The following BRD1 variants were observed in gnomAD, a reference collection of about 807,000 sequenced individuals.
BRD1 encodes the protein bromodomain containing 1.
In BRD1, 24 loss-of-function variants were observed where a neutral mutation model predicts 107.7. That is an observed-to-expected ratio of 0.22 (90% CI 0.16 to 0.31). BRD1 has a LOEUF of 0.31. Among genes scored for constraint, BRD1 ranks in the 10% least tolerant of loss-of-function variants. The probability of loss-of-function intolerance (pLI) is 1.00; values close to 1 mark genes in which losing one functional copy is unlikely to be tolerated. For synonymous variants in BRD1, 744 were observed against 686.1 expected (o/e 1.08, Z -1.32); for missense variants, 1,279 against 1,638.6 (o/e 0.78, Z 3.79).
chr22:49,807,069 A>G (rs2059760266), intron 2 of BRD1: 1 of 152,114 alleles, frequency 6.6e-6, no homozygotes, highest in African/African-American at 2.4e-5. Flanking sequence ...CAGAGTTCCA[A>G]CATCAAGTAT....
chr22:49,787,680 C>CG lies in BRD1; in HGVS notation c.2566dup (p.Arg856ProfsTer4). ...CGCCGGCACATCGCCACTACTGGCG[C>CG]GGGTGGGCTCTGGAGGGCGTCCGCT... On this transcript the variant is annotated frameshift_variant, in exon 8 of 13. Coordinates refer to ENST00000404760, the MANE Select transcript of BRD1 (RefSeq NM_001304808.3). LOFTEE classifies it high-confidence loss of function. 1 of 1,550,658 alleles carries CG rather than the reference C, an allele frequency of 6.4e-7. No individual in the cohort carries two copies. Among genetic ancestry groups the CG allele is most frequent in the Non-Finnish European group, 8.7e-7 (1 of 1,146,990 alleles).
intron 6 of BRD1, 50 bp from the exon 7 acceptor site, chr22:49,794,344 G>C: frequency 6.4e-7 from 1 of 1,560,674 alleles, no homozygotes. Context: ...CGCACCTTCT[G>C]GGAACACATC....
intron 5 of BRD1, 106 bp downstream of exon 5, chr22:49,798,452 G>C (rs1285076631): frequency 2.0e-6 from 3 of 1,520,368 alleles, no homozygotes; most frequent in South Asian, 1.2e-5. Flanking sequence ...CGAGAATTAA[G>C]AACACAAGGG....
chr22:49,814,528 G>A (rs2059913814), intron 2 of BRD1, among the ~76,000 whole-genome samples: 1 of 152,244 alleles, frequency 6.6e-6, no homozygotes, highest in African/African-American at 2.4e-5. Context: ...GCCACATCTG[G>A]GATCCTCTCC....
In BRD1 at chr22:49,823,465, C is replaced by T; in HGVS notation, c.853G>A (p.Asp285Asn). The change falls in exon 2 of 13, where the codon GAT becomes AAT. Residue 285 changes from aspartate (D) to asparagine (N), a missense_variant. Physicochemically the swap from Asp to Asn is conservative, Grantham distance 23. Coordinates refer to ENST00000404760, the MANE Select transcript of BRD1 (RefSeq NM_001304808.3). Reference sequence around the variant, plus strand: ...ACCACGTGACCCCAGCGGTCGTCATCTGTCTTTTTGAAGGCACCACCCTTG... The same window carrying T: ...ACCACGTGACCCCAGCGGTCGTCATTTGTCTTTTTGAAGGCACCACCCTTG... ...PNKGGAFKKTDDDRWGHVVCA... is the reference protein window; with the variant it reads ...PNKGGAFKKTNDDRWGHVVCA... 12 of 1,609,816 alleles carry T rather than the reference C, an allele frequency of 7.5e-6. No homozygotes were observed. The highest frequency in any genetic ancestry group is 1.0e-5 in the Non-Finnish European group (12 of 1,179,580).
At chr22:49,816,806 G>A (rs970032074) in intron 2 of BRD1, among the ~76,000 whole-genome samples, 4 of 152,216 alleles carry the variant, frequency 2.6e-5, no homozygotes, top group East Asian at 1.9e-4. Flanking sequence ...AGTGCCTTCC[G>A]AATTCTGGGG....
At chr22:49,791,296 G>A (rs542695527) in intron 7 of BRD1, among the ~76,000 whole-genome samples, 1 of 152,354 alleles carries the variant, frequency 6.6e-6, no homozygotes, top group South Asian at 2.1e-4. Flanking sequence ...GGCAGACCGG[G>A]GCCAACAGTG....
In BRD1 at chr22:49,797,793, G is replaced by A. The variant is rs199602156; in HGVS notation, c.2098+12C>T. ...GTCTTCCACCTCCTCCGGACACGGCGCCAGTTCTTACCGTCTTCCCAGGAG... is the reference window on the plus strand; with the variant it reads ...GTCTTCCACCTCCTCCGGACACGGCACCAGTTCTTACCGTCTTCCCAGGAG... On this transcript the variant is annotated intron_variant, in intron 6 of 12. Transcript: ENST00000404760. The A allele has an allele frequency of 3.2e-5, 51 of 1,580,922 alleles. No individual in the cohort carries two copies. In the African/African-American group the frequency reaches 4.2e-4, roughly 13 times the overall value.
intron 2 of BRD1, among the ~76,000 whole-genome samples, chr22:49,804,615 G>C (rs112816822): frequency 6.6e-6 from 1 of 152,186 alleles, no homozygotes; most frequent in Non-Finnish European, 1.5e-5. Flanking sequence ...TTGGGAGGCC[G>C]AGGTGGGGGG....
intron 2 of BRD1, chr22:49,807,225 T>A (rs1026032292): frequency 3.9e-5 from 6 of 152,154 alleles, no homozygotes; most frequent in African/African-American, 1.4e-4. Context: ...ACAGATCCAA[T>A]GCAATTCCTA....
In BRD1 at chr22:49,776,134, G is replaced by A. The variant is rs1303105545; in HGVS notation, c.3147C>T (p.Ile1049=). 1.9e-6 allele frequency: 3 copies of A among 1,606,210 alleles called. No homozygotes were observed. The highest frequency in any genetic ancestry group is 3.3e-5 in the Admixed American group (2 of 59,992). ...AAEVGQSSMW[I]STDAAASVLE... ...GCACCGAGGCGGCGGCATCAGTGGA[G>A]ATCCACATGCTGCTCTGGCCGACTT... Residue 1049 remains isoleucine (I), a synonymous_variant, in exon 11 of 13, where the codon ATC becomes ATT. Coordinates refer to ENST00000404760, the MANE Select transcript of BRD1 (RefSeq NM_001304808.3).
chr22:49,783,426 C>T lies in BRD1; in HGVS notation c.2857+3964G>A, dbSNP rs2059254980. On this transcript the variant is annotated intron_variant, in intron 8 of 12. Transcript: ENST00000404760. The surrounding 1 kb of genome is among the most constrained non-coding windows in gnomAD (Gnocchi z 4.2). Reference sequence around the variant, plus strand: ...AGCGAGTGAGTGAGCACGCACTGTCCATGCCACATCCTCAGACAGTGCCGA... The same window carrying T: ...AGCGAGTGAGTGAGCACGCACTGTCTATGCCACATCCTCAGACAGTGCCGA... Among the ~76,000 whole-genome samples, 1 of 152,228 alleles carries T rather than the reference C, an allele frequency of 6.6e-6. No homozygotes were observed. The highest frequency in any genetic ancestry group is 2.4e-5 in the African/African-American group (1 of 41,464).
intron 2 of BRD1, among the ~76,000 whole-genome samples, chr22:49,815,330 G>C (rs1360752609): frequency 1.3e-5 from 2 of 152,272 alleles, no homozygotes; most frequent in African/African-American, 4.8e-5. Context: ...CCTTAGGTCA[G>C]TCAGGAGTTC....
In BRD1 at chr22:49,774,124, G is replaced by C. The variant is rs1258456581; in HGVS notation, c.*109C>G. ...AACCTCCCCCCTCCCCGGGGAAAAAGAATTAAAGAGCTATAACTAAAAATC... is the reference window on the plus strand; with the variant it reads ...AACCTCCCCCCTCCCCGGGGAAAAACAATTAAAGAGCTATAACTAAAAATC... On this transcript the variant is annotated 3_prime_UTR_variant, in exon 13 of 13. Transcript: ENST00000404760. The C allele has an allele frequency of 7.3e-7, 1 of 1,376,358 alleles. No homozygotes were observed. The highest frequency in any genetic ancestry group is 2.5e-5 in the East Asian group (1 of 39,878). The allele number at this position is 1,376,358 out of a possible 1,614,324, so 85.3% of individuals were successfully genotyped here.
chr22:49,818,369 T>C (rs1030146051), intron 2 of BRD1: 6 of 1,220,732 alleles, frequency 4.9e-6, no homozygotes, highest in African/African-American at 1.6e-5. Flanking sequence ...CTTTCTACTT[T>C]GCATTCTGAT....
chr22:49,778,812 C>T (rs1236008151), intron 8 of BRD1, among the ~76,000 whole-genome samples: 3 of 152,210 alleles, frequency 2.0e-5, no homozygotes, highest in South Asian at 4.2e-4. Context: ...CAGGCGCCCG[C>T]CACCATGCCT....
Position 49,799,004 on chromosome 22 carries a change from T to C in BRD1, c.1640A>G (p.Lys547Arg), listed in dbSNP as rs370633506. 8 of 1,609,176 alleles carry C rather than the reference T, an allele frequency of 5.0e-6. No individual in the cohort carries two copies. The African/African-American group carries it at 6.7e-5, about 13-fold the overall frequency. ...CAGCCCCACCTGCTCACGCTTGAGCTTCTCCCGCTTGCGCAGCAGCTCGAT... is the reference window on the plus strand; with the variant it reads ...CAGCCCCACCTGCTCACGCTTGAGCCTCTCCCGCTTGCGCAGCAGCTCGAT... ...LLIELLRKRE[K>R]LKREQVKVEQ... Residue 547 changes from lysine (K) to arginine (R), a missense_variant, in exon 4 of 13, where the codon AAG (lysine) becomes AGG (arginine). Physicochemically the swap from Lys to Arg is conservative, Grantham distance 26. Coordinates refer to ENST00000404760, the MANE Select transcript of BRD1 (RefSeq NM_001304808.3).
At chr22:49,780,733 A>T (rs1399444787) in intron 8 of BRD1, among the ~76,000 whole-genome samples, 7 of 152,224 alleles carry the variant, frequency 4.6e-5, no homozygotes, top group Non-Finnish European at 1.0e-4. Flanking sequence ...CGGCCCTGCC[A>T]ACTCCCGCCC....
rs940668995 is a variant in BRD1, at chr22:49,784,834, G to A, written c.2857+2556C>T. On this transcript the variant is annotated intron_variant, in intron 8 of 12. Coordinates refer to ENST00000404760, the MANE Select transcript of BRD1 (RefSeq NM_001304808.3). ...CGCCCAGCCCTTCCCCGGGCGCCTC[G>A]GCCACAGCAGTGGAATGCCTCCCAC... Among the ~76,000 whole-genome samples the A allele has an allele frequency of 1.2e-4, 18 of 152,158 alleles. No homozygotes were observed. The East Asian group carries it at 2.9e-3, about 24-fold the overall frequency.
Sources: allele counts gnomAD v4.1 joint callset (sites outside exome capture counted in the v4.1 genomes callset), GRCh38; gene constraint gnomAD v4.1.1; non-coding constraint Gnocchi (gnomAD v3.1); transcripts MANE v1.5; gene names NCBI Gene and HGNC (gene_info 2026-07-23, HGNC 2026-07-21).